Variants in RBFOX1 observed in about 807,000 individuals in gnomAD.
The protein encoded by RBFOX1 is RNA binding protein fox-1 homolog 1.
RBFOX1 carries 8 observed loss-of-function variants against 57.7 expected under a neutral mutation model. The ratio of observed to expected loss-of-function variants is 0.14; its 90% CI spans 0.08 to 0.25. RBFOX1 has a LOEUF of 0.25. Ranked by LOEUF, RBFOX1 falls within the 10% of genes least tolerant of loss-of-function variation. The probability of loss-of-function intolerance (pLI) is 1.00; values close to 1 mark genes in which losing one functional copy is unlikely to be tolerated. For missense variants in RBFOX1, 611 were observed against 548.5 expected (o/e 1.11, Z -1.14); for synonymous variants, 326 against 222.4 (o/e 1.47, Z -4.15).
rs544289325 is a variant in RBFOX1 at position 6,495,139 on chromosome 16, G to T, written c.-63-159464G>T. Among the ~76,000 whole-genome samples the T allele has an allele frequency of 7.9e-4, 120 of 152,216 alleles. 1 individual carries two copies. The highest frequency in any genetic ancestry group is 2.8e-3 in the African/African-American group (115 of 41,516). On this transcript the variant is annotated intron_variant, in intron 2 of 15. Coordinates refer to ENST00000550418, the MANE Select transcript of RBFOX1 (RefSeq NM_018723.4). ...TTGTTTATTTATTTATTTATTTTGA[G>T]ATGAACTTTCACTCTTTCACCCATG... is the stretch of plus-strand genomic sequence containing the variant.
At chr16:6,548,894 G>A (rs1002725147) in intron 2 of RBFOX1, among the ~76,000 whole-genome samples, 4 of 151,688 alleles carry the variant, frequency 2.6e-5, no homozygotes, top group African/African-American at 9.7e-5. Flanking sequence ...TGGCCAACAT[G>A]GCGAAACCCC....
At chr16:5,985,949 C>T (rs1019726567) in intron 4 of RBFOX1, among the ~76,000 whole-genome samples, 1 of 152,132 alleles carries the variant, frequency 6.6e-6, no homozygotes, top group Non-Finnish European at 1.5e-5. Flanking sequence ...CTTAGGAATC[C>T]ATTAGTATCC....
chr16:7,231,977 T>A (rs1048026705), intron 4 of RBFOX1, among the ~76,000 whole-genome samples: 3 of 152,096 alleles, frequency 2.0e-5, no homozygotes, highest in Admixed American at 1.3e-4. Context: ...TGGAACTAGA[T>A]AGGGGTGGTG....
At chr16:7,312,464 C>A (rs919653033) in intron 4 of RBFOX1, among the ~76,000 whole-genome samples, 4 of 152,176 alleles carry the variant, frequency 2.6e-5, no homozygotes, top group African/African-American at 9.7e-5. Flanking sequence ...TGGACATAAA[C>A]TTCTCGTTTC....
At chr16:5,754,131 A>G (rs1451079406) in intron 3 of RBFOX1, among the ~76,000 whole-genome samples, 1 of 152,126 alleles carries the variant, frequency 6.6e-6, no homozygotes, top group African/African-American at 2.4e-5. Context: ...CCATGCAAGT[A>G]TTTTCCTGGA....
At chr16:7,000,588 T>C (rs1417987443) in intron 3 of RBFOX1, among the ~76,000 whole-genome samples, 16 of 110,590 alleles carry the variant, frequency 1.4e-4, no homozygotes, top group East Asian at 1.2e-3. Context: ...TTTTCTTTCT[T>C]TTTCTTTCTT....
At chr16:5,856,193 A>C (rs531081622) in intron 3 of RBFOX1, among the ~76,000 whole-genome samples, 853 of 57,788 alleles carry the variant, frequency 0.015, 12 homozygotes, top group Non-Finnish European at 0.023. Flanking sequence ...CTCTCTATAT[A>C]TATATATATA....
chr16:6,298,939 C>G (rs2078461233), intron 1 of RBFOX1, among the ~76,000 whole-genome samples: 2 of 152,086 alleles, frequency 1.3e-5, no homozygotes, highest in East Asian at 3.9e-4. Context: ...AGAGGGGAGC[C>G]TTGGTAGGCA....
intron 3 of RBFOX1, among the ~76,000 whole-genome samples, chr16:6,780,200 T>TA (rs1313243437): frequency 5.7e-5 from 2 of 35,280 alleles, no homozygotes; most frequent in African/African-American, 5.2e-4. Flanking sequence ...TTTATATATT[T>TA]TTATATATTT....
At chr16:5,562,652 G>A (rs1358796371) in intron 2 of RBFOX1, among the ~76,000 whole-genome samples, 1 of 152,130 alleles carries the variant, frequency 6.6e-6, no homozygotes, top group Non-Finnish European at 1.5e-5. Context: ...TTAAGGTTCT[G>A]AGTGCAAGAG....
intron 4 of RBFOX1, among the ~76,000 whole-genome samples, chr16:7,233,944 G>T (rs1338921725): frequency 6.6e-6 from 1 of 152,160 alleles, no homozygotes; most frequent in Non-Finnish European, 1.5e-5. Flanking sequence ...CATCTTGACT[G>T]GCTTGACTGG....
rs1014036215 is a variant in RBFOX1, at chr16:7,130,094, G to A, written c.27+77996G>A. ...GTCGCCCAGGCTGGGGTGCAATGGC[G>A]AGATCTTGGCCCACTGCAACCTCTG... On this transcript the variant is annotated intron_variant, in intron 4 of 15. Coordinates refer to ENST00000550418, the MANE Select transcript of RBFOX1 (RefSeq NM_018723.4). 3.3e-5 allele frequency among the ~76,000 whole-genome samples: 5 copies of A among 149,442 alleles called. No homozygotes were observed. The East Asian group carries it at 7.9e-4, about 24-fold the overall frequency.
At chr16:6,071,819 T>G (rs998472401) in intron 1 of RBFOX1, among the ~76,000 whole-genome samples, 1 of 152,210 alleles carries the variant, frequency 6.6e-6, no homozygotes, top group Non-Finnish European at 1.5e-5. Flanking sequence ...ACACTTTGTA[T>G]AAGTAGAATC....
intron 3 of RBFOX1, among the ~76,000 whole-genome samples, chr16:6,814,251 G>C (rs7197757): frequency 6.9e-6 from 1 of 145,652 alleles, no homozygotes; most frequent in Non-Finnish European, 1.5e-5. Context: ...AAATTGTGGT[G>C]GGGGGGAGGG....
intron 3 of RBFOX1, among the ~76,000 whole-genome samples, chr16:6,923,359 C>T (rs1343178676): frequency 6.6e-6 from 1 of 152,078 alleles, no homozygotes; most frequent in Non-Finnish European, 1.5e-5. Context: ...CATGGTGAAA[C>T]CCCATCTCTA....
At chr16:6,546,744 T>C (rs937631589) in intron 2 of RBFOX1, among the ~76,000 whole-genome samples, 1 of 152,208 alleles carries the variant, frequency 6.6e-6, no homozygotes, top group Non-Finnish European at 1.5e-5. Flanking sequence ...ATCTGTCTTT[T>C]TGAGGGGACA....
intron 14 of RBFOX1, among the ~76,000 whole-genome samples, chr16:7,695,220 T>C (rs1372322905): frequency 6.6e-6 from 1 of 152,192 alleles, no homozygotes; most frequent in African/African-American, 2.4e-5. Context: ...GTTTGAACTC[T>C]GAATTTTGAA....
chr16:7,314,265 G>A (rs375011428), intron 4 of RBFOX1, among the ~76,000 whole-genome samples: 3 of 152,128 alleles, frequency 2.0e-5, no homozygotes, highest in East Asian at 1.9e-4. Context: ...GCCCGGCACC[G>A]TATTAATGAT....
chr16:6,712,181 A>G (rs939145596), intron 3 of RBFOX1, among the ~76,000 whole-genome samples: 2 of 152,158 alleles, frequency 1.3e-5, no homozygotes, highest in African/African-American at 4.8e-5. Context: ...AGCCATCATC[A>G]TTATTTACTA....
Sources: allele counts gnomAD v4.1 joint callset (sites outside exome capture counted in the v4.1 genomes callset), GRCh38; gene constraint gnomAD v4.1.1; transcripts MANE v1.5; gene names NCBI Gene and HGNC (gene_info 2026-07-23, HGNC 2026-07-21).